Variants in CCDC88A observed in about 807,000 individuals in gnomAD.
The protein encoded by CCDC88A is girdin.
A neutral mutation model predicts 234.3 loss-of-function variants in CCDC88A; 54 were observed. That is an observed-to-expected ratio of 0.23 (90% confidence interval 0.19 to 0.29). CCDC88A has a LOEUF of 0.29. Ranked by LOEUF, CCDC88A falls within the 10% of genes least tolerant of loss-of-function variation. The pLI, the probability that CCDC88A is intolerant of heterozygous loss-of-function variation, is 1.00. For synonymous variants in CCDC88A, 753 were observed against 737.8 expected, an observed-to-expected ratio of 1.02 and a Z score of -0.33; for missense variants, 1,832 against 2,123.4, an observed-to-expected ratio of 0.86 and a Z score of 2.70.
At chr2:55,338,323 A>C (rs1668053337) in intron 13 of CCDC88A, among the ~76,000 whole-genome samples, 4 of 152,234 alleles carry the variant, frequency 2.6e-5, no homozygotes, top group Admixed American at 2.6e-4. Flanking sequence ...AAATCTTACA[A>C]GAATACTAAG....
intron 10 of CCDC88A, 103 bp from the exon 11 acceptor site, chr2:55,344,617 A>T: frequency 1.7e-6 from 1 of 589,054 alleles, no homozygotes; most frequent in Non-Finnish European, 2.7e-6. Flanking sequence ...CAACAGTTCT[A>T]TGCATGAGGA....
At chr2:55,345,570 T>C (rs956084880) in intron 10 of CCDC88A, 1 of 152,408 alleles carries the variant, frequency 6.6e-6, no homozygotes, top group African/African-American at 2.4e-5. Context: ...CTAATTTTTG[T>C]ATTTTTAATA....
intron 3 of CCDC88A, among the ~76,000 whole-genome samples, chr2:55,375,469 CTATATATATATATATATATA>C (rs869279076): frequency 3.8e-5 from 1 of 26,606 alleles, no homozygotes; most frequent in African/African-American, 9.1e-5. Flanking sequence ...TGTCACTGTA[CTATATATATATATATATATA>C]TATATATATA....
rs1558608411 is a variant in CCDC88A at position 55,290,950 on chromosome 2, G to GT, written c.*249dup. The GT allele has an allele frequency of 1.3e-5, 2 of 152,560 alleles. No homozygotes were observed. The highest frequency in any genetic ancestry group is 2.4e-5 in the African/African-American group (1 of 41,454). 9.5% of individuals were successfully genotyped at this position (152,560 alleles called of 1,614,324 possible). ...GTAGATCTTAACAGTACAAGGTATA[G>GT]TAAGTCCTAAAACCTTTAAAAAATT... On this transcript the variant is annotated 3_prime_UTR_variant, in exon 33 of 33. Coordinates refer to ENST00000436346, the MANE Select transcript of CCDC88A (RefSeq NM_001365480.1).
chr2:55,294,321 A>G, intron 31 of CCDC88A: 1 of 984,094 alleles, frequency 1.0e-6, no homozygotes, highest in Non-Finnish European at 1.2e-6. Context: ...AAAAGTGCAG[A>G]GAAGAAACAA....
chr2:55,304,212 C>T (rs937264255), intron 25 of CCDC88A, among the ~76,000 whole-genome samples: 3 of 152,238 alleles, frequency 2.0e-5, no homozygotes, highest in Non-Finnish European at 2.9e-5. Context: ...GCAGGAGGAT[C>T]GCTTGAGCCC....
intron 23 of CCDC88A, among the ~76,000 whole-genome samples, chr2:55,311,894 G>A (rs186777369): frequency 3.0e-4 from 46 of 152,074 alleles, no homozygotes; most frequent in Non-Finnish European, 5.3e-4. Flanking sequence ...TTGTAAACTG[G>A]GTCCTGACTG....
intron 31 of CCDC88A, chr2:55,292,394 G>C (rs1336673378): frequency 6.6e-6 from 1 of 152,176 alleles, no homozygotes; most frequent in Non-Finnish European, 1.5e-5. Context: ...TTGCTCAATT[G>C]AGTCAGAGTT....
In CCDC88A at chr2:55,344,526, T is replaced by A; in HGVS notation, c.1042-12A>T. ...TCTTCTTTTAATTCCTATAAATGTT[T>A]ATCACAAATGTGTTAATATCTGTTA... On this transcript the variant is annotated splice_polypyrimidine_tract_variant and intron_variant, in intron 10 of 32. Transcript: ENST00000436346. 1 of 1,427,430 alleles carries A rather than the reference T, an allele frequency of 7.0e-7. No homozygotes were observed. The highest frequency in any genetic ancestry group is 9.5e-7 in the Non-Finnish European group (1 of 1,047,524). The allele number at this position is 1,427,430 out of a possible 1,614,324, so 88.4% of individuals were successfully genotyped here.
chr2:55,334,149 T>A lies in CCDC88A; in HGVS notation c.2672A>T (p.Lys891Met). 2 of 1,345,236 alleles carry A rather than the reference T, an allele frequency of 1.5e-6. No homozygotes were observed. The highest frequency in any genetic ancestry group is 1.9e-6 in the Non-Finnish European group (2 of 1,042,862). 83.3% of individuals were successfully genotyped at this position (1,345,236 alleles called of 1,614,324 possible). A position where few individuals can be genotyped will look rare whatever the true frequency, so the allele number is the denominator to read the frequency against. Reference protein sequence around the residue: ...VRLKELEKENKELVKRATIDI... With the variant: ...VRLKELEKENMELVKRATIDI... ...AATAGTTGCTCTTTTCACAAGCTCC[T>A]TATTTTCTTTTTCTAGTTCTTTCAG... Residue 891 changes from lysine (K) to methionine (M), a missense_variant, in exon 15 of 33, where the codon AAG becomes ATG. This residue lies in a region of CCDC88A where 1,282 missense variants were observed against 1,543.6 expected (regional missense o/e 0.83). Transcript: ENST00000436346. The surrounding 1 kb of genome is among the most constrained non-coding windows in gnomAD (Gnocchi z 6.1).
intron 21 of CCDC88A, among the ~76,000 whole-genome samples, 167 bp from the exon 22 acceptor site, chr2:55,316,281 A>T (rs967155738): frequency 2.0e-5 from 3 of 152,206 alleles, no homozygotes; most frequent in African/African-American, 7.2e-5. Flanking sequence ...TAAAAACTAG[A>T]TTTTTTAAAA....
At chr2:55,355,809 C>A in intron 7 of CCDC88A, 58 bp from the exon 8 acceptor site, 2 of 1,337,484 alleles carry the variant, frequency 1.5e-6, no homozygotes, top group South Asian at 1.2e-5. Flanking sequence ...CTAAACACAT[C>A]AACATGATCC....
chr2:55,412,261 A>G (rs1299389779), intron 2 of CCDC88A, among the ~76,000 whole-genome samples: 15 of 152,260 alleles, frequency 9.9e-5, no homozygotes, highest in African/African-American at 3.6e-4. Context: ...AGGTGAAGGT[A>G]CTTCCGAATC....
At chr2:55,333,305 G>T (rs1685142540) in intron 15 of CCDC88A, among the ~76,000 whole-genome samples, 1 of 152,150 alleles carries the variant, frequency 6.6e-6, no homozygotes, top group South Asian at 2.1e-4. Flanking sequence ...AATGCTTAGA[G>T]ATGGGAAAAA....
Position 55,328,522 on chromosome 2 carries a change from A to G in CCDC88A, c.2856-87T>C, listed in dbSNP as rs1255298474. The G allele has an allele frequency of 1.1e-6, 1 of 929,856 alleles. No homozygotes were observed. Among genetic ancestry groups the G allele is most frequent in the East Asian group, 2.9e-5 (1 of 34,166 alleles). The allele number at this position is 929,856 out of a possible 1,614,324, so 57.6% of individuals were successfully genotyped here. On this transcript the variant is annotated intron_variant, in intron 16 of 32. Coordinates refer to ENST00000436346, the MANE Select transcript of CCDC88A (RefSeq NM_001365480.1). This position sits in a 1 kb window ranked among gnomAD's most constrained non-coding sequence, Gnocchi z 4.3. Reference sequence around the variant, plus strand: ...ATTTATGACCACAAATATTCATGCCATAAATGGGTCTTATAAAAGCATTTT... The same window carrying G: ...ATTTATGACCACAAATATTCATGCCGTAAATGGGTCTTATAAAAGCATTTT...
chr2:55,370,833 C>A (rs1229330442), intron 5 of CCDC88A, among the ~76,000 whole-genome samples: 1 of 134,354 alleles, frequency 7.4e-6, no homozygotes, highest in Non-Finnish European at 1.5e-5. Context: ...CACAGTGAGG[C>A]CCCATTTCTT....
chr2:55,375,191 G>C (rs1673438168), intron 3 of CCDC88A, among the ~76,000 whole-genome samples: 1 of 151,996 alleles, frequency 6.6e-6, no homozygotes, highest in Non-Finnish European at 1.5e-5. Context: ...GCAACATAGT[G>C]AGACCTTCAT....
At chr2:55,293,274 T>C (rs1051256796) in intron 31 of CCDC88A, among the ~76,000 whole-genome samples, 3 of 152,220 alleles carry the variant, frequency 2.0e-5, no homozygotes, top group Non-Finnish European at 4.4e-5. Context: ...ATTTGTGTCA[T>C]ATACTGCCCC....
chr2:55,341,115 T>C (rs1043794703), intron 12 of CCDC88A, among the ~76,000 whole-genome samples: 2 of 151,124 alleles, frequency 1.3e-5, no homozygotes, highest in Non-Finnish European at 2.9e-5. Flanking sequence ...TTCATCCATA[T>C]TGTTGCAAAT....
Sources: gnomAD v4.1 joint callset for allele counts (sites outside exome capture counted in the v4.1 genomes callset) on GRCh38, gnomAD v4.1.1 for gene constraint, gnomAD v4.1.1 regional missense constraint, Gnocchi (gnomAD v3.1) non-coding constraint, MANE v1.5 for transcripts, NCBI Gene and HGNC (gene_info 2026-07-23, HGNC 2026-07-21) for gene names.